TADA2A: variants seen among roughly 807,000 people sequenced by gnomAD.
The protein encoded by TADA2A is transcriptional adaptor 2A.
TADA2A carries 38 observed loss-of-function variants against 67.4 expected under a neutral mutation model. The ratio of observed to expected loss-of-function variants is 0.56; its 90% CI spans 0.44 to 0.74. TADA2A has a LOEUF of 0.74. TADA2A is among the 30% of genes least tolerant of loss of function. The pLI is 0.00. For synonymous variants in TADA2A, 192 were observed against 181.6 expected (o/e 1.06, Z -0.46); for missense variants, 454 against 547.0 (o/e 0.83, Z 1.70).
In TADA2A at chr17:37,479,633, T is replaced by G. The variant is rs776298481; in HGVS notation, c.*2651T>G. 2.6e-5 allele frequency: 4 copies of G among 152,144 alleles called. No homozygotes were observed. Among genetic ancestry groups the G allele is most frequent in the Non-Finnish European group, 5.9e-5 (4 of 68,026 alleles). 9.4% of individuals were successfully genotyped at this position (152,144 alleles called of 1,614,324 possible). A position where few individuals can be genotyped will look rare whatever the true frequency, so the allele number is the denominator to read the frequency against. On this transcript the variant is annotated 3_prime_UTR_variant, in exon 16 of 16. Transcript: ENST00000615182. The stretch of plus-strand genomic sequence containing the variant: ...ATGAATAAAACCTGTTTACTGAAAT[T>G]TTTATTGCAATTTAACGTTAAAAGT...
At chr17:37,457,613 C>A (rs1005701753) in intron 8 of TADA2A, among the ~76,000 whole-genome samples, 1 of 150,728 alleles carries the variant, frequency 6.6e-6, no homozygotes, top group Non-Finnish European at 1.5e-5. Context: ...TCTCCCACCT[C>A]AGCCTCCCGA....
chr17:37,414,633 C>A (rs2051984400), intron 2 of TADA2A, among the ~76,000 whole-genome samples: 1 of 152,156 alleles, frequency 6.6e-6, no homozygotes, highest in African/African-American at 2.4e-5. Context: ...TACACATATA[C>A]TTCTTTTGAG....
At chr17:37,466,293 A>C (rs1385109535) in intron 11 of TADA2A, among the ~76,000 whole-genome samples, 12 of 152,186 alleles carry the variant, frequency 7.9e-5, no homozygotes, top group Non-Finnish European at 1.2e-4. Context: ...GGTAGTGCAC[A>C]CCTGTAGTCT....
intron 2 of TADA2A, among the ~76,000 whole-genome samples, chr17:37,415,828 T>G (rs2052024389): frequency 6.8e-6 from 1 of 147,950 alleles, no homozygotes; most frequent in Non-Finnish European, 1.5e-5. Flanking sequence ...GAGCCAAGAT[T>G]GTGCCACTGC....
chr17:37,455,583 A>T (rs957783072), intron 8 of TADA2A, among the ~76,000 whole-genome samples: 3 of 152,026 alleles, frequency 2.0e-5, no homozygotes, highest in Non-Finnish European at 4.4e-5. Context: ...GGGTTTCACC[A>T]TGTTAGCCAG....
At chr17:37,451,597 C>T (rs2053235387) in intron 8 of TADA2A, among the ~76,000 whole-genome samples, 1 of 152,132 alleles carries the variant, frequency 6.6e-6, no homozygotes, top group Admixed American at 6.6e-5. Flanking sequence ...GCTGGGATTA[C>T]AGGTGTGAGC....
At chr17:37,460,203 T>C (rs1387276748) in intron 9 of TADA2A, among the ~76,000 whole-genome samples, 4 of 151,548 alleles carry the variant, frequency 2.6e-5, no homozygotes, top group East Asian at 3.9e-4. Flanking sequence ...TGTGAGCCAC[T>C]GCACTCGGAC....
chr17:37,457,093 T>C lies in TADA2A; in HGVS notation c.605-1431T>C, dbSNP rs185174491. 3.8e-3 allele frequency among the ~76,000 whole-genome samples: 577 copies of C among 152,174 alleles called. 2 individuals carry two copies. Among genetic ancestry groups the C allele is most frequent in the Non-Finnish European group, 6.2e-3 (424 of 67,994 alleles). On this transcript the variant is annotated intron_variant, in intron 8 of 15. Coordinates refer to ENST00000615182, the MANE Select transcript of TADA2A (RefSeq NM_001166105.3). ...ACTGAAAACTCCTACTCTGGGAAAA[T>C]GTCTACACTGTACCTTTATTCACAT...
At chr17:37,437,946 C>A in intron 5 of TADA2A, 117 bp downstream of exon 5, 1 of 977,162 alleles carries the variant, frequency 1.0e-6, no homozygotes, top group South Asian at 1.5e-5. Flanking sequence ...TCCTATCAAC[C>A]CATGATTTAG....
rs924414515 is a variant in TADA2A at position 37,438,140 on chromosome 17, C to G, written c.284+311C>G. 2.8e-5 allele frequency: 6 copies of G among 214,106 alleles called. No homozygotes were observed. In the Admixed American group the frequency reaches 2.9e-4, roughly 10 times the overall value. The allele number at this position is 214,106 out of a possible 1,614,324, so 13.3% of individuals were successfully genotyped here. On this transcript the variant is annotated intron_variant, in intron 5 of 15. Coordinates refer to ENST00000615182, the MANE Select transcript of TADA2A (RefSeq NM_001166105.3). ...AAGTTTAGTTTCGTTAGTTATTACT[C>G]CCTTCTGATTTTATGAATTTTTGTT...
intron 7 of TADA2A, among the ~76,000 whole-genome samples, chr17:37,444,259 C>CAAAA (rs5820215): frequency 6.8e-5 from 9 of 132,088 alleles, no homozygotes; most frequent in South Asian, 2.5e-4. Flanking sequence ...ACCCTGTTTC[C>CAAAA]AAAAAAAAAA....
Position 37,476,971 on chromosome 17 carries a change from A to G in TADA2A, c.1321A>G (p.Thr441Ala). The G allele has an allele frequency of 6.2e-7, 1 of 1,610,624 alleles. No homozygotes were observed. The highest frequency in any genetic ancestry group is 8.5e-7 in the Non-Finnish European group (1 of 1,177,348). ...YDFLIREGYI[T>A]KG ...TTTCCTCATCAGAGAAGGATACATC[A>G]CTAAAGGCTAAGGCTCCAAGAGCTT... Residue 441 changes from threonine to alanine, a missense_variant, in exon 16 of 16, where the codon ACT becomes GCT. Physicochemically the swap from Thr to Ala is moderately conservative, Grantham distance 58. Coordinates refer to ENST00000615182, the MANE Select transcript of TADA2A (RefSeq NM_001166105.3).
At chr17:37,468,147 T>C (rs1224076049) in intron 12 of TADA2A, among the ~76,000 whole-genome samples, 1 of 152,078 alleles carries the variant, frequency 6.6e-6, no homozygotes, top group African/African-American at 2.4e-5. Context: ...TGATACATGG[T>C]CTTAGCATTT....
intron 4 of TADA2A, among the ~76,000 whole-genome samples, chr17:37,431,385 C>T: frequency 6.6e-6 from 1 of 151,918 alleles, no homozygotes; most frequent in East Asian, 1.9e-4. Flanking sequence ...TCCAAAATTT[C>T]TCTCTTGGAT....
chr17:37,411,273 T>G lies in TADA2A; in HGVS notation c.-93T>G. The G allele has an allele frequency of 8.5e-7, 1 of 1,171,906 alleles. No homozygotes were observed. The highest frequency in any genetic ancestry group is 1.3e-6 in the Non-Finnish European group (1 of 782,154). The allele number at this position is 1,171,906 out of a possible 1,614,324, so 72.6% of individuals were successfully genotyped here. A position where few individuals can be genotyped will look rare whatever the true frequency, so the allele number is the denominator to read the frequency against. On this transcript the variant is annotated 5_prime_UTR_variant, in exon 2 of 16. Coordinates refer to ENST00000615182, the MANE Select transcript of TADA2A (RefSeq NM_001166105.3). ...GCCACTTTTGTTTGTTCCTAGGGAG[T>G]CATCAAGCTTTGGTGTATGTGTTGG...
chr17:37,426,936 TTC>T lies in TADA2A; in HGVS notation c.133-12_133-11del. 6.3e-7 allele frequency: 1 copy of T among 1,593,486 alleles called. No individual in the cohort carries two copies. Among genetic ancestry groups the T allele is most frequent in the Non-Finnish European group, 8.5e-7 (1 of 1,174,010 alleles). On this transcript the variant is annotated splice_polypyrimidine_tract_variant and intron_variant, in intron 3 of 15. Transcript: ENST00000615182. ...AAAGTAGCTTTTGCTAATTTAATTT[TTC>T]TTTCTTTGCAGTGTTTCACTCGAGG...
At chr17:37,407,245 C>G (rs1366678246) in intron 1 of TADA2A, 4 of 152,354 alleles carry the variant, frequency 2.6e-5, no homozygotes, top group Non-Finnish European at 5.9e-5. Flanking sequence ...AGCCCTGGAG[C>G]GCGTAGCTCT....
chr17:37,430,865 G>C (rs565352503), intron 4 of TADA2A, among the ~76,000 whole-genome samples: 3 of 152,282 alleles, frequency 2.0e-5, no homozygotes, highest in Non-Finnish European at 4.4e-5. Flanking sequence ...ACTAATGTGT[G>C]TGTTGTCATA....
chr17:37,409,330 T>C (rs1003773997), intron 1 of TADA2A, among the ~76,000 whole-genome samples: 4 of 152,048 alleles, frequency 2.6e-5, no homozygotes, highest in Admixed American at 1.3e-4. Context: ...CTCTGGAGAT[T>C]CATCTGCCTC....
Sources: allele counts gnomAD v4.1 joint callset (sites outside exome capture counted in the v4.1 genomes callset), GRCh38; gene constraint gnomAD v4.1.1; transcripts MANE v1.5; gene names NCBI Gene and HGNC (gene_info 2026-07-23, HGNC 2026-07-21).